PHF20: variants seen among roughly 807,000 people sequenced by gnomAD.
The protein encoded by PHF20 is PHD finger protein 20.
PHF20 carries 23 observed loss-of-function variants against 113.5 expected under a neutral mutation model. The observed-to-expected ratio is 0.20, with a 90% confidence interval of 0.15 to 0.29. The LOEUF (loss-of-function observed/expected upper bound fraction) is 0.29, where lower values mean the gene tolerates loss of function less well. PHF20 is among the 10% of genes least tolerant of loss of function. PHF20 has a pLI of 1.00. For missense variants in PHF20, 943 were observed against 1,219.6 expected, an observed-to-expected ratio of 0.77 and a Z score of 3.38; for synonymous variants, 434 against 457.3, an observed-to-expected ratio of 0.95 and a Z score of 0.65.
intron 1 of PHF20, among the ~76,000 whole-genome samples, chr20:35,796,052 A>G (rs560448019): frequency 1.3e-5 from 2 of 152,070 alleles, no homozygotes; most frequent in South Asian, 2.1e-4. Context: ...GGGTTTCACT[A>G]TGTTTACCTG....
At chr20:35,852,361 G>A (rs1005475292) in intron 4 of PHF20, among the ~76,000 whole-genome samples, 1 of 152,178 alleles carries the variant, frequency 6.6e-6, no homozygotes, top group African/African-American at 2.4e-5. Context: ...GGGAGACAGG[G>A]TCTGGTCCCA....
At chr20:35,883,147 C>T (rs2054665319) in intron 9 of PHF20, among the ~76,000 whole-genome samples, 1 of 151,968 alleles carries the variant, frequency 6.6e-6, no homozygotes, top group African/African-American at 2.4e-5. Context: ...CCCAGGCATT[C>T]GGTGTTGCAG....
At chr20:35,848,542 TGCCCA>T (rs1265665005) in intron 4 of PHF20, among the ~76,000 whole-genome samples, 1 of 152,096 alleles carries the variant, frequency 6.6e-6, no homozygotes, top group Non-Finnish European at 1.5e-5. Flanking sequence ...TGAGCCACCA[TGCCCA>T]GCCGCAACTT....
intron 9 of PHF20, chr20:35,878,741 G>C: frequency 1.3e-6 from 1 of 750,008 alleles, no homozygotes; most frequent in Middle Eastern, 3.7e-4. Context: ...TAGAAGAAGA[G>C]ACGCTGTCTT....
At chr20:35,931,513 A>G in intron 15 of PHF20, 69 bp downstream of exon 15, 1 of 1,239,910 alleles carries the variant, frequency 8.1e-7, no homozygotes, top group Non-Finnish European at 1.1e-6. Context: ...TAAATCTGAG[A>G]AATTGGAAAG....
intron 13 of PHF20, among the ~76,000 whole-genome samples, 187 bp downstream of exon 13, chr20:35,917,849 T>G (rs1351452149): frequency 6.6e-6 from 1 of 152,158 alleles, no homozygotes; most frequent in Non-Finnish European, 1.5e-5. Context: ...AGTCCATTGA[T>G]GGAGTAAGAG....
intron 10 of PHF20, among the ~76,000 whole-genome samples, chr20:35,910,466 A>G (rs1461463018): frequency 1.3e-5 from 2 of 152,148 alleles, no homozygotes; most frequent in Non-Finnish European, 2.9e-5. Flanking sequence ...GAGATTTGAC[A>G]TATGTTTATA....
At chr20:35,838,799 G>A (rs1043857152) in intron 2 of PHF20, among the ~76,000 whole-genome samples, 1 of 150,022 alleles carries the variant, frequency 6.7e-6, no homozygotes, top group Non-Finnish European at 1.5e-5. Flanking sequence ...ACCAGCCTGG[G>A]CAACATAGTG....
chr20:35,794,102 A>C (rs2041619133), intron 1 of PHF20, among the ~76,000 whole-genome samples: 1 of 151,124 alleles, frequency 6.6e-6, no homozygotes, highest in Non-Finnish European at 1.5e-5. Flanking sequence ...GGAGTTCGAG[A>C]CCAGCCTGAC....
rs149254794 is a variant in PHF20, at chr20:35,824,605, C to CA, written c.84-17953dup. 9.2e-3 allele frequency among the ~76,000 whole-genome samples: 1,016 copies of CA among 110,724 alleles called. 5 individuals carry two copies. The highest frequency in any genetic ancestry group is 0.016 in the Middle Eastern group (3 of 188). The allele number at this position is 110,724 out of a possible 152,430, so 72.6% of individuals were successfully genotyped here. On this transcript the variant is annotated intron_variant, in intron 2 of 17. Transcript: ENST00000374012. Reference sequence around the variant, plus strand: ...CTGGTGACAGAGTGAGACTCTGTCTCAAAAAAAAAAAAAAATTTACCATTT... The same window carrying CA: ...CTGGTGACAGAGTGAGACTCTGTCTCAAAAAAAAAAAAAAAATTTACCATTT...
In PHF20 at chr20:35,899,334, A is replaced by G. The variant is rs145713210; in HGVS notation, c.1283-36A>G. On this transcript the variant is annotated intron_variant, in intron 9 of 17. Coordinates refer to ENST00000374012, the MANE Select transcript of PHF20 (RefSeq NM_016436.5). ...ATGTTTTGTAATAACTGGGATAAAT[A>G]CAAGGAACCTTTGCTTTTGTTTTTA... 1.7e-5 allele frequency: 27 copies of G among 1,554,268 alleles called. 1 individual carries two copies. In the East Asian group the frequency reaches 6.1e-4, roughly 35 times the overall value.
chr20:35,833,865 C>T (rs1158175425), intron 2 of PHF20, among the ~76,000 whole-genome samples: 1 of 152,114 alleles, frequency 6.6e-6, no homozygotes, highest in Non-Finnish European at 1.5e-5. Flanking sequence ...CAAGACCAGC[C>T]TGGCCAACAT....
At chr20:35,820,184 A>G (rs1434419985) in intron 2 of PHF20, among the ~76,000 whole-genome samples, 1 of 152,218 alleles carries the variant, frequency 6.6e-6, no homozygotes, top group East Asian at 1.9e-4. Context: ...TTTACTCTGT[A>G]CAAAGTTCAT....
chr20:35,904,100 AGACGTTT>A (rs2055153784), intron 10 of PHF20, among the ~76,000 whole-genome samples: 1 of 152,070 alleles, frequency 6.6e-6, no homozygotes, highest in African/African-American at 2.4e-5. Context: ...TCAGTTGGGG[AGACGTTT>A]CACTGGGAGA....
intron 10 of PHF20, among the ~76,000 whole-genome samples, chr20:35,900,012 G>T (rs940295088): frequency 2.4e-4 from 37 of 152,162 alleles, no homozygotes; most frequent in African/African-American, 8.0e-4. Context: ...TTCCTTGCCA[G>T]CAGCACAAAA....
At chr20:35,825,675 G>T (rs755871855) in intron 2 of PHF20, among the ~76,000 whole-genome samples, 2 of 152,126 alleles carry the variant, frequency 1.3e-5, no homozygotes, top group Non-Finnish European at 2.9e-5. Flanking sequence ...AGAGGGTCTT[G>T]CTTTGTTGCC....
intron 4 of PHF20, chr20:35,850,836 TG>T: frequency 2.6e-6 from 3 of 1,157,118 alleles, no homozygotes; most frequent in Non-Finnish European, 3.8e-6. Flanking sequence ...TGTATGTTTC[TG>T]GTGGCTCTGC....
intron 9 of PHF20, among the ~76,000 whole-genome samples, chr20:35,881,132 A>T (rs1200710330): frequency 1.6e-5 from 2 of 126,630 alleles, no homozygotes; most frequent in East Asian, 4.7e-4. Flanking sequence ...ATTTCTGCTC[A>T]CTGCAACCTT....
intron 9 of PHF20, among the ~76,000 whole-genome samples, chr20:35,879,387 G>GTTGT (rs1184638347): frequency 6.6e-6 from 1 of 152,136 alleles, no homozygotes; most frequent in Non-Finnish European, 1.5e-5. Flanking sequence ...TATTTTTGCT[G>GTTGT]TTGTTATATT....
Sources: allele counts gnomAD v4.1 joint callset (sites outside exome capture counted in the v4.1 genomes callset), GRCh38; gene constraint gnomAD v4.1.1; transcripts MANE v1.5; gene names NCBI Gene and HGNC (gene_info 2026-07-23, HGNC 2026-07-21).